FOCAD: variants seen among roughly 807,000 people sequenced by gnomAD.
FOCAD encodes the protein focadhesin, also known as KIAA1797.
FOCAD carries 198 observed loss-of-function variants against 225.6 expected under a neutral mutation model. That is an observed-to-expected ratio of 0.88 (90% CI 0.78 to 0.99). The LOEUF is 0.99. Ranked by LOEUF, FOCAD falls within the 50% of genes least tolerant of loss-of-function variation. The pLI, the probability that FOCAD is intolerant of heterozygous loss-of-function variation, is 0.00. For missense variants in FOCAD, 2,713 were observed against 2,123.6 expected (o/e 1.28, Z -5.46); for synonymous variants, 897 against 755.0 (o/e 1.19, Z -3.08).
chr9:20,772,556 G>T (rs1334647775), intron 8 of FOCAD, among the ~76,000 whole-genome samples: 1 of 152,294 alleles, frequency 6.6e-6, no homozygotes, highest in East Asian at 1.9e-4. Flanking sequence ...GGAGTGGTCA[G>T]CAGTGTCATG....
intron 30 of FOCAD, among the ~76,000 whole-genome samples, chr9:20,948,022 T>C (rs1454924945): frequency 6.6e-6 from 1 of 152,116 alleles, no homozygotes; most frequent in African/African-American, 2.4e-5. Context: ...AGTATTACTT[T>C]CCTGAAATAA....
intron 21 of FOCAD, among the ~76,000 whole-genome samples, chr9:20,900,905 G>A (rs950607454): frequency 2.6e-5 from 4 of 151,824 alleles, no homozygotes; most frequent in Non-Finnish European, 5.9e-5. Flanking sequence ...GAGAAGGAGG[G>A]AAAGAGGGAA....
In FOCAD at chr9:20,907,157, T is replaced by A; in HGVS notation, c.2633T>A (p.Ile878Asn). 1 of 1,612,840 alleles carries A rather than the reference T, an allele frequency of 6.2e-7. No homozygotes were observed. Among genetic ancestry groups the A allele is most frequent in the South Asian group, 1.1e-5 (1 of 91,036 alleles). Residue 878 changes from isoleucine (I) to asparagine (N), a missense_variant, in exon 22 of 44, where the codon ATC becomes AAC. Physicochemically the swap from Ile to Asn is moderately radical, Grantham distance 149 (BLOSUM62 -3). Coordinates refer to ENST00000338382, the MANE Select transcript of FOCAD (RefSeq NM_001375567.1). ...GGTACATTTTTCCCATAGGTTCATA[T>A]CCAGCTTTCAGAGTGGCACCGTGCA... Reference protein sequence around the residue: ...TSLALVHEVHIQLSEWHRAIF... With the variant: ...TSLALVHEVHNQLSEWHRAIF...
chr9:20,974,787 C>T (rs1013584777), intron 35 of FOCAD, among the ~76,000 whole-genome samples: 197 of 142,722 alleles, frequency 1.4e-3, no homozygotes, highest in Middle Eastern at 3.9e-3. Flanking sequence ...GCTAATTTGG[C>T]CTCTGCTTCT....
chr9:20,695,096 C>G (rs1210057874), intron 1 of FOCAD, among the ~76,000 whole-genome samples: 3 of 152,192 alleles, frequency 2.0e-5, no homozygotes, highest in African/African-American at 7.2e-5. Flanking sequence ...TATTGCTCTG[C>G]AAGTGGTATT....
chr9:20,689,047 G>A (rs1037307565), intron 1 of FOCAD, among the ~76,000 whole-genome samples: 20 of 152,174 alleles, frequency 1.3e-4, no homozygotes, highest in Non-Finnish European at 7.4e-5. Flanking sequence ...TAGGGATGAC[G>A]ATAGAGCCAG....
At chr9:20,722,192 G>A (rs1433606284) in intron 4 of FOCAD, among the ~76,000 whole-genome samples, 1 of 151,360 alleles carries the variant, frequency 6.6e-6, no homozygotes, top group African/African-American at 2.4e-5. Flanking sequence ...ACAAATGTGT[G>A]CCAGCATGCC....
chr9:20,990,371 G>C lies in FOCAD; in HGVS notation c.5253G>C (p.Gln1751His), dbSNP rs1841543927. Reference protein sequence around the residue: ...LQKEPWKEQTQKFIDWLFSIM... With the variant: ...LQKEPWKEQTHKFIDWLFSIM... The stretch of plus-strand genomic sequence containing the variant: ...AAGAGCCATGGAAGGAACAGACCCA[G>C]AAGGTGAGGCTGGCAGCCACCTGCT... Residue 1751 changes from glutamine to histidine, a missense_variant, in exon 42 of 44, where the codon CAG (glutamine) becomes CAC (histidine). By Grantham distance (24) the Gln-to-His change is conservative. Coordinates refer to ENST00000338382, the MANE Select transcript of FOCAD (RefSeq NM_001375567.1). 1.9e-6 allele frequency: 3 copies of C among 1,613,244 alleles called. No individual in the cohort carries two copies. The highest frequency in any genetic ancestry group is 2.5e-6 in the Non-Finnish European group (3 of 1,179,808).
At chr9:20,971,499 G>A (rs1839762184) in intron 35 of FOCAD, among the ~76,000 whole-genome samples, 1 of 151,764 alleles carries the variant, frequency 6.6e-6, no homozygotes, top group Non-Finnish European at 1.5e-5. Context: ...GAGTACAATG[G>A]TGCAATCTTG....
At chr9:20,906,811 A>T (rs1833019566) in intron 21 of FOCAD, among the ~76,000 whole-genome samples, 1 of 152,086 alleles carries the variant, frequency 6.6e-6, no homozygotes, top group East Asian at 1.9e-4. Flanking sequence ...AGACAATGCC[A>T]AGTTTCCTGA....
rs763544935 is a variant in FOCAD, at chr9:20,717,935, A to G, written c.132+67A>G. On this transcript the variant is annotated intron_variant, in intron 3 of 43. Transcript: ENST00000338382. ...TTGCTACTAGCTGGATCACATATGCACCTGTCTTGTTTCCCTGATAGTTCA... is the reference window on the plus strand; with the variant it reads ...TTGCTACTAGCTGGATCACATATGCGCCTGTCTTGTTTCCCTGATAGTTCA... 191 of 1,223,696 alleles carry G rather than the reference A, an allele frequency of 1.6e-4. 1 individual carries two copies. The highest frequency in any genetic ancestry group is 9.7e-4 in the South Asian group (77 of 79,304). The allele number at this position is 1,223,696 out of a possible 1,614,324, so 75.8% of individuals were successfully genotyped here. A position where few individuals can be genotyped will look rare whatever the true frequency, so the allele number is the denominator to read the frequency against.
intron 1 of FOCAD, among the ~76,000 whole-genome samples, chr9:20,711,215 A>T (rs1303308267): frequency 6.6e-6 from 1 of 152,214 alleles, no homozygotes; most frequent in Non-Finnish European, 1.5e-5. Flanking sequence ...AGCATATAGG[A>T]GACATTTTAT....
chr9:20,914,731 T>C (rs1833734876), intron 23 of FOCAD, among the ~76,000 whole-genome samples: 1 of 152,092 alleles, frequency 6.6e-6, no homozygotes, highest in African/African-American at 2.4e-5. Flanking sequence ...AAGAGGACTT[T>C]GTGAGTGAGA....
At chr9:20,993,124 C>CTG in intron 42 of FOCAD, 129 bp from the exon 43 acceptor site, 2 of 683,114 alleles carry the variant, frequency 2.9e-6, no homozygotes, top group Non-Finnish European at 2.6e-6. Flanking sequence ...TGCCTAAGAA[C>CTG]TGTAATCCCA....
At chr9:20,674,954 G>C (rs186589532) in intron 2 of FOCAD, among the ~76,000 whole-genome samples, 243 of 152,234 alleles carry the variant, frequency 1.6e-3, no homozygotes, top group Middle Eastern at 0.014. Context: ...GGTAGAGTTG[G>C]GGCAGAACTA....
chr9:20,753,998 G>A (rs1828810739), intron 5 of FOCAD, among the ~76,000 whole-genome samples: 1 of 152,122 alleles, frequency 6.6e-6, no homozygotes, highest in African/African-American at 2.4e-5. Context: ...TTTGAGGCAT[G>A]ACTCAGGTTG....
At chr9:20,884,143 T>C (rs1376237314) in intron 20 of FOCAD, among the ~76,000 whole-genome samples, 1 of 152,194 alleles carries the variant, frequency 6.6e-6, no homozygotes, top group Non-Finnish European at 1.5e-5. Flanking sequence ...AAAAACTTAA[T>C]AGAATCTCTA....
intron 1 of FOCAD, among the ~76,000 whole-genome samples, chr9:20,709,047 C>T (rs943355947): frequency 2.6e-5 from 4 of 152,070 alleles, no homozygotes; most frequent in Non-Finnish European, 1.5e-5. Flanking sequence ...CATAGTTGTA[C>T]AATATCCTAG....
rs961682539 is a variant in FOCAD, at chr9:20,936,431, T to C, written c.3407+3328T>C. 1.2e-4 allele frequency among the ~76,000 whole-genome samples: 19 copies of C among 152,174 alleles called. 1 individual carries two copies. Among genetic ancestry groups the C allele is most frequent in the African/African-American group, 4.3e-4 (18 of 41,438 alleles). The stretch of plus-strand genomic sequence containing the variant: ...AGTAAAATGTCCATTTAATAGGTGG[T>C]AGTTATGGGATCTTCTTTCAGATGC... On this transcript the variant is annotated intron_variant, in intron 28 of 43. Transcript: ENST00000338382.
Sources: gnomAD v4.1 joint callset for allele counts (sites outside exome capture counted in the v4.1 genomes callset) on GRCh38, gnomAD v4.1.1 for gene constraint, MANE v1.5 for transcripts, NCBI Gene and HGNC (gene_info 2026-07-23, HGNC 2026-07-21) for gene names.